The following TTBK2 variants were observed in gnomAD, a reference collection of about 807,000 sequenced individuals.
TTBK2 encodes tau tubulin kinase 2.
TTBK2 carries 28 observed loss-of-function variants against 110.8 expected under a neutral mutation model. That is an observed-to-expected ratio of 0.25 (90% CI 0.19 to 0.35). The LOEUF is 0.35. Among genes scored for constraint, TTBK2 ranks in the 10% least tolerant of loss-of-function variants. TTBK2 has a pLI of 1.00. For synonymous variants in TTBK2, 532 were observed against 527.3 expected (o/e 1.01, Z -0.12); for missense variants, 1,369 against 1,500.3 (o/e 0.91, Z 1.45).
chr15:42,816,857 T>G (rs1595943557), intron 7 of TTBK2, among the ~76,000 whole-genome samples, 175 bp downstream of exon 7: 1 of 151,708 alleles, frequency 6.6e-6, no homozygotes. Context: ...AGGCAGAGGT[T>G]GCGGTGAGCC....
At chr15:42,798,085 T>C (rs1891025525) in intron 9 of TTBK2, among the ~76,000 whole-genome samples, 2 of 152,044 alleles carry the variant, frequency 1.3e-5, no homozygotes, top group South Asian at 2.1e-4. Flanking sequence ...GGTTTCACCA[T>C]GTTGGCCAGG....
chr15:42,833,247 TAAA>T lies in TTBK2; in HGVS notation c.292-3172_292-3170del, dbSNP rs35997543. ...AAATGTCACAAGCCACCAAATTTTGTAAAAAAAAAAAAAAAAAAAAAAGGAAGA... is the reference window on the plus strand; with the variant it reads ...AAATGTCACAAGCCACCAAATTTTGTAAAAAAAAAAAAAAAAAAAGGAAGA... On this transcript the variant is annotated intron_variant, in intron 4 of 14. Transcript: ENST00000267890. 3.0e-3 allele frequency among the ~76,000 whole-genome samples: 221 copies of T among 74,858 alleles called. 1 individual carries two copies. The highest frequency in any genetic ancestry group is 0.011 in the African/African-American group (207 of 19,190). 49.1% of individuals were successfully genotyped at this position (74,858 alleles called of 152,430 possible).
intron 9 of TTBK2, among the ~76,000 whole-genome samples, chr15:42,796,178 C>G (rs943045153): frequency 1.3e-5 from 2 of 151,942 alleles, no homozygotes; most frequent in South Asian, 4.2e-4. Flanking sequence ...CTGAGGTGGG[C>G]GGATCACTTG....
intron 9 of TTBK2, among the ~76,000 whole-genome samples, chr15:42,810,012 G>A (rs2140923225): frequency 6.6e-6 from 1 of 152,224 alleles, no homozygotes; most frequent in African/African-American, 2.4e-5. Context: ...GTTTTCAGTG[G>A]TAGCAATTAT....
rs117382379 is a variant in TTBK2, at chr15:42,752,968, G to A, written c.2278C>T (p.Pro760Ser). 2.6e-5 allele frequency: 42 copies of A among 1,614,172 alleles called. No homozygotes were observed. The East Asian group carries it at 8.9e-4, about 34-fold the overall frequency. ...KSQDLGPKELPDHNRLVVREF... is the reference protein window; with the variant it reads ...KSQDLGPKELSDHNRLVVREF... ...CTCACAACCAGTCTATTATGATCAG[G>A]AAGTTCTTTTGGTCCCAGGTCTTGA... Residue 760 changes from proline to serine, a missense_variant, in exon 14 of 15, where the codon CCT becomes TCT. Pro to Ser is a moderately conservative substitution (Grantham distance 74). Coordinates refer to ENST00000267890, the MANE Select transcript of TTBK2 (RefSeq NM_173500.4).
chr15:42,766,445 G>GAAAAAAAAAAAAAAAAA (rs1424460257), intron 13 of TTBK2, among the ~76,000 whole-genome samples: 1 of 15,152 alleles, frequency 6.6e-5, no homozygotes, highest in Non-Finnish European at 1.0e-4. Context: ...CGAATGGAAA[G>GAAAAAAAAAAAAAAAAA]CAAAAAAAAA....
intron 1 of TTBK2, among the ~76,000 whole-genome samples, chr15:42,913,609 G>GTCCGA (rs780773576): frequency 2.0e-5 from 3 of 151,202 alleles, no homozygotes; most frequent in South Asian, 2.1e-4. Context: ...CTGCACTCCA[G>GTCCGA]CCTGGGCGAC....
At chr15:42,914,426 G>C (rs556022151) in intron 1 of TTBK2, among the ~76,000 whole-genome samples, 15 of 152,246 alleles carry the variant, frequency 9.9e-5, no homozygotes, top group African/African-American at 3.4e-4. Flanking sequence ...CATCTACTTG[G>C]AACACCTCTT....
At chr15:42,761,401 G>T (rs1467390362) in intron 13 of TTBK2, among the ~76,000 whole-genome samples, 3 of 149,722 alleles carry the variant, frequency 2.0e-5, no homozygotes, top group Admixed American at 1.3e-4. Context: ...TACAAAATGG[G>T]AGAAAATATC....
chr15:42,811,608 T>G, intron 8 of TTBK2, 80 bp downstream of exon 8: 1 of 1,095,770 alleles, frequency 9.1e-7, no homozygotes, highest in Middle Eastern at 2.0e-4. Flanking sequence ...TATACATAAG[T>G]ATATTTTCAA....
chr15:42,791,838 A>G (rs1304881210), intron 10 of TTBK2, among the ~76,000 whole-genome samples: 1 of 152,138 alleles, frequency 6.6e-6, no homozygotes. Flanking sequence ...ATTACTGACT[A>G]TAGTTAACAA....
intron 6 of TTBK2, among the ~76,000 whole-genome samples, chr15:42,825,802 G>A (rs1207218504): frequency 9.9e-5 from 15 of 152,128 alleles, no homozygotes. Flanking sequence ...GTAGCTAGTG[G>A]CTACCATATA....
In TTBK2 at chr15:42,920,143, A is replaced by T. The variant is rs1190978985; in HGVS notation, c.-68+295T>A. The stretch of plus-strand genomic sequence containing the variant: ...CATGGGTACAAGTGATATGTGGGTC[A>T]CCCACAGAGAGAGACGCAGAACGAA... On this transcript the variant is annotated intron_variant, in intron 1 of 14. Transcript: ENST00000267890. Among the ~76,000 whole-genome samples the T allele has an allele frequency of 2.0e-5, 3 of 152,200 alleles. No homozygotes were observed. In the East Asian group the frequency reaches 5.8e-4, roughly 29 times the overall value.
intron 10 of TTBK2, among the ~76,000 whole-genome samples, chr15:42,792,124 A>G (rs1388150152): frequency 1.3e-5 from 2 of 152,212 alleles, no homozygotes; most frequent in East Asian, 3.8e-4. Flanking sequence ...ACAGTGATAG[A>G]GTGAGACTCT....
At chr15:42,826,967 A>T (rs1032701194) in intron 6 of TTBK2, among the ~76,000 whole-genome samples, 3 of 152,194 alleles carry the variant, frequency 2.0e-5, no homozygotes, top group Non-Finnish European at 4.4e-5. Context: ...ATGATCAAAC[A>T]CTGACTTCAG....
intron 13 of TTBK2, among the ~76,000 whole-genome samples, chr15:42,771,746 T>A (rs1889687550): frequency 6.6e-6 from 1 of 152,180 alleles, no homozygotes; most frequent in African/African-American, 2.4e-5. Context: ...CCTTTCCTTT[T>A]CTCGATCTCT....
At chr15:42,886,891 A>T (rs570465528) in intron 1 of TTBK2, among the ~76,000 whole-genome samples, 18 of 152,170 alleles carry the variant, frequency 1.2e-4, no homozygotes, top group Non-Finnish European at 2.6e-4. Flanking sequence ...ACGCCACTGG[A>T]AATTGGACTG....
In TTBK2 at chr15:42,775,275, G is replaced by C. The variant is rs1400018506; in HGVS notation, c.1858C>G (p.Leu620Val). ...GCAGTAGGAGGACCCTCTGCAGAAA[G>C]TGCTAAGACCACACCTGAGGTTTCC... ...KKETSGVVLA[L>V]SAEGPPTAAS... The change falls in exon 13 of 15, where the codon CTT becomes GTT. Residue 620 changes from leucine (L) to valine (V), a missense_variant. By Grantham distance (32) the Leu-to-Val change is conservative. Transcript: ENST00000267890. 2 of 1,614,094 alleles carry C rather than the reference G, an allele frequency of 1.2e-6. No homozygotes were observed. Among genetic ancestry groups the C allele is most frequent in the African/African-American group, 1.3e-5 (1 of 74,936 alleles).
At chr15:42,861,852 C>A (rs2141083675) in intron 3 of TTBK2, among the ~76,000 whole-genome samples, 1 of 151,976 alleles carries the variant, frequency 6.6e-6, no homozygotes, top group East Asian at 1.9e-4. Flanking sequence ...AGCTACATTA[C>A]CAAAGGGGGA....
Sources: allele counts gnomAD v4.1 joint callset (sites outside exome capture counted in the v4.1 genomes callset), GRCh38; gene constraint gnomAD v4.1.1; transcripts MANE v1.5; gene names NCBI Gene and HGNC (gene_info 2026-07-23, HGNC 2026-07-21).